Variants in SLC24A2 observed in about 807,000 individuals in gnomAD.
SLC24A2 encodes solute carrier family 24 member 2.
In SLC24A2, 36 loss-of-function variants were observed where a neutral mutation model predicts 62.0. That is an observed-to-expected ratio of 0.58 (90% confidence interval 0.44 to 0.77). The LOEUF (loss-of-function observed/expected upper bound fraction) is 0.77. Among genes scored for constraint, SLC24A2 ranks in the 30% least tolerant of loss-of-function variants. The probability of loss-of-function intolerance (pLI) is 0.00; values close to 1 mark genes in which losing one functional copy is unlikely to be tolerated. For synonymous variants in SLC24A2, 358 were observed against 294.0 expected (o/e 1.22, Z -2.23); for missense variants, 846 against 817.9 (o/e 1.03, Z -0.42).
At chr9:19,557,689 T>A (rs1299503209) in intron 7 of SLC24A2, among the ~76,000 whole-genome samples, 1 of 152,144 alleles carries the variant, frequency 6.6e-6, no homozygotes, top group African/African-American at 2.4e-5. Context: ...AGTATGTTAT[T>A]CATCCATCGT....
At chr9:20,232,285 G>T in the SLC24A2 span, among the ~76,000 whole-genome samples, 1 of 152,112 alleles carries the variant, frequency 6.6e-6, no homozygotes, top group African/African-American at 2.4e-5. Flanking sequence ...TTTTTCTATT[G>T]ATTGGAATAG....
the SLC24A2 span, among the ~76,000 whole-genome samples, chr9:20,070,273 A>G: frequency 6.6e-6 from 1 of 152,172 alleles, no homozygotes; most frequent in Non-Finnish European, 1.5e-5. Flanking sequence ...AACCTGCCTT[A>G]AACAGGACTC....
intron 2 of SLC24A2, among the ~76,000 whole-genome samples, chr9:19,681,811 G>A (rs1307321385): frequency 6.6e-6 from 1 of 152,134 alleles, no homozygotes; most frequent in African/African-American, 2.4e-5. Flanking sequence ...GACATATTGA[G>A]GATCTATAGA....
At chr9:19,993,063 A>G in the SLC24A2 span, among the ~76,000 whole-genome samples, 9 of 152,152 alleles carry the variant, frequency 5.9e-5, no homozygotes, top group African/African-American at 1.9e-4. Flanking sequence ...CGCTTTATAG[A>G]TATTAACCTT....
Position 19,786,927 on chromosome 9 carries a change from C to T in SLC24A2, c.-61G>A, listed in dbSNP as rs1823193250. The T allele has an allele frequency of 1.3e-6, 2 of 1,589,742 alleles. No homozygotes were observed. Among genetic ancestry groups the T allele is most frequent in the East Asian group, 4.5e-5 (2 of 44,772 alleles). ...TTTAGACTCAACCAGATGGTTCTTT[C>T]ATACTTTTCCTTACTTTATAGTTAA... On this transcript the variant is annotated 5_prime_UTR_variant, in exon 2 of 11. It removes an upstream start codon present in the reference 5' UTR. Coordinates refer to ENST00000341998, the MANE Select transcript of SLC24A2 (RefSeq NM_020344.4). The surrounding 1 kb of genome is among the most constrained non-coding windows in gnomAD (Gnocchi z 5.0).
the SLC24A2 span, among the ~76,000 whole-genome samples, chr9:20,232,812 G>A: frequency 5.3e-5 from 8 of 152,118 alleles, no homozygotes; most frequent in African/African-American, 1.9e-4. Context: ...TTTTAAGTGT[G>A]ATGTTAGGGT....
At chr9:19,863,281 T>C in the SLC24A2 span, among the ~76,000 whole-genome samples, 1 of 152,016 alleles carries the variant, frequency 6.6e-6, no homozygotes, top group South Asian at 2.1e-4. Flanking sequence ...TAGACCCCAA[T>C]ACGATAATAG....
the SLC24A2 span, among the ~76,000 whole-genome samples, chr9:19,877,853 G>A: frequency 2.6e-5 from 4 of 152,102 alleles, no homozygotes; most frequent in Non-Finnish European, 5.9e-5. Flanking sequence ...ACTTTGTGGC[G>A]TACACTTAAT....
At chr9:19,540,678 T>C (rs934538234) in intron 8 of SLC24A2, among the ~76,000 whole-genome samples, 3 of 146,478 alleles carry the variant, frequency 2.0e-5, no homozygotes, top group African/African-American at 5.3e-5. Context: ...CTGACAATTA[T>C]GTGTCTTGGA....
chr9:19,774,152 G>A (rs187362125), intron 2 of SLC24A2, among the ~76,000 whole-genome samples: 176 of 152,274 alleles, frequency 1.2e-3, no homozygotes, highest in Non-Finnish European at 1.8e-3. Flanking sequence ...ACAGAGAAGG[G>A]ACTCAGAGCA....
In SLC24A2 at chr9:19,516,243, C is replaced by T. The variant is rs1832919660; in HGVS notation, c.1896G>A (p.Leu632=). 5.6e-6 allele frequency: 9 copies of T among 1,614,134 alleles called. No homozygotes were observed. The highest frequency in any genetic ancestry group is 7.6e-6 in the Non-Finnish European group (9 of 1,180,020). ...AGTAGAGGCCAAACATGATGAAGCC[C>T]AGGATTTTGTTCATTCGCCACTTGC... ...ALCKWRMNKI[L]GFIMFGLYFV... The change falls in exon 11 of 11, where the codon CTG becomes CTA. Residue 632 remains leucine (L), a synonymous_variant. Transcript: ENST00000341998.
At chr9:19,733,447 C>T (rs574812841) in intron 2 of SLC24A2, among the ~76,000 whole-genome samples, 2 of 152,268 alleles carry the variant, frequency 1.3e-5, no homozygotes, top group African/African-American at 4.8e-5. Context: ...TAAGTGAAAA[C>T]AGGTCTGATT....
the SLC24A2 span, among the ~76,000 whole-genome samples, chr9:19,946,584 A>G: frequency 6.6e-6 from 1 of 152,216 alleles, no homozygotes; most frequent in Non-Finnish European, 1.5e-5. Context: ...AAATGCAGAC[A>G]GTTTCCAGAC....
At chr9:19,923,829 T>C in the SLC24A2 span, among the ~76,000 whole-genome samples, 138,553 of 152,042 alleles carry the variant, frequency 0.91, 63,385 homozygotes, top group Non-Finnish European at 0.96. Flanking sequence ...CTCATTGCAA[T>C]CTCCGCCTCC....
At chr9:20,259,675 A>G in the SLC24A2 span, among the ~76,000 whole-genome samples, 3 of 152,248 alleles carry the variant, frequency 2.0e-5, no homozygotes, top group South Asian at 6.2e-4. Context: ...CTCAAGTCTT[A>G]ATCATCTCAA....
chr9:19,522,562 T>C (rs1296828016), intron 9 of SLC24A2, among the ~76,000 whole-genome samples: 1 of 152,202 alleles, frequency 6.6e-6, no homozygotes, highest in Non-Finnish European at 1.5e-5. Flanking sequence ...AAGCATATTT[T>C]TGTTTTGATG....
the SLC24A2 span, among the ~76,000 whole-genome samples, chr9:20,047,054 A>T: frequency 6.6e-6 from 1 of 152,112 alleles, no homozygotes; most frequent in South Asian, 2.1e-4. Flanking sequence ...TTTGCACTAG[A>T]GTTTGGGAAG....
At chr9:20,252,650 C>T in the SLC24A2 span, among the ~76,000 whole-genome samples, 1 of 152,192 alleles carries the variant, frequency 6.6e-6, no homozygotes, top group African/African-American at 2.4e-5. Flanking sequence ...TTCAAGCAGG[C>T]TGATGGTAAG....
At chr9:20,033,145 G>C in the SLC24A2 span, among the ~76,000 whole-genome samples, 45 of 152,310 alleles carry the variant, frequency 3.0e-4, no homozygotes, top group African/African-American at 1.0e-3. Context: ...ATGTGTCTGA[G>C]AAACATGACT....
Sources: gnomAD v4.1 joint callset for allele counts (sites outside exome capture counted in the v4.1 genomes callset) on GRCh38, gnomAD v4.1.1 for gene constraint, Gnocchi (gnomAD v3.1) non-coding constraint, MANE v1.5 for transcripts, NCBI Gene and HGNC (gene_info 2026-07-23, HGNC 2026-07-21) for gene names.